The following DLGAP1 variants were observed in gnomAD, a reference collection of about 807,000 sequenced individuals.
DLGAP1 encodes disks large-associated protein 1.
Under a neutral mutation model 90.8 loss-of-function variants are expected in DLGAP1, and 11 were observed. The observed-to-expected ratio is 0.12, with a 90% CI of 0.08 to 0.20. The LOEUF is 0.20. Ranked by LOEUF, DLGAP1 falls within the 10% of genes least tolerant of loss-of-function variation. The pLI, the probability that DLGAP1 is intolerant of heterozygous loss-of-function variation, is 1.00. For synonymous variants in DLGAP1, 558 were observed against 540.7 expected, an observed-to-expected ratio of 1.03 and a Z score of -0.44; for missense variants, 1,050 against 1,333.8, an observed-to-expected ratio of 0.79 and a Z score of 3.31.
chr18:4,086,933 GT>G (rs1209190907), intron 2 of DLGAP1, among the ~76,000 whole-genome samples: 1 of 150,572 alleles, frequency 6.6e-6, no homozygotes, highest in Admixed American at 6.6e-5. Context: ...TGCTTTATGT[GT>G]TTTGAAGATG....
At chr18:4,452,478 T>TA (rs1555621103) in intron 1 of DLGAP1, among the ~76,000 whole-genome samples, 16,904 of 151,920 alleles carry the variant, frequency 0.11, 2,287 homozygotes, top group African/African-American at 0.33. Flanking sequence ...ATTTTATATT[T>TA]AAAAAAAATC....
chr18:3,874,663 C>A (rs2070948136), intron 4 of DLGAP1: 1 of 1,535,528 alleles, frequency 6.5e-7, no homozygotes, highest in Admixed American at 2.0e-5. Context: ...GAGCCAACCA[C>A]ATCTCAACTG....
chr18:3,630,097 C>G (rs28513672), intron 7 of DLGAP1, among the ~76,000 whole-genome samples: 2 of 152,070 alleles, frequency 1.3e-5, no homozygotes, highest in Admixed American at 6.6e-5. Flanking sequence ...AAATATTATT[C>G]TGTGTGTGTC....
At chr18:4,282,135 C>T (rs550299082) in intron 1 of DLGAP1, among the ~76,000 whole-genome samples, 3 of 152,168 alleles carry the variant, frequency 2.0e-5, no homozygotes, top group South Asian at 2.1e-4. Context: ...GAGGCCGAGG[C>T]GGGCGGATCA....
intron 2 of DLGAP1, among the ~76,000 whole-genome samples, chr18:4,121,464 C>T (rs114787889): frequency 1.3e-5 from 2 of 152,030 alleles, no homozygotes; most frequent in African/African-American, 4.8e-5. Flanking sequence ...GAACCCCTCA[C>T]CCCCCGTCCT....
At chr18:3,590,932 TAG>T (rs1355310187) in intron 7 of DLGAP1, among the ~76,000 whole-genome samples, 2 of 152,056 alleles carry the variant, frequency 1.3e-5, no homozygotes, top group Non-Finnish European at 2.9e-5. Flanking sequence ...AGCAATTTTA[TAG>T]AGTGTTTTAC....
intron 1 of DLGAP1, among the ~76,000 whole-genome samples, chr18:4,183,408 G>C (rs2077240617): frequency 1.3e-5 from 2 of 152,006 alleles, no homozygotes; most frequent in South Asian, 4.1e-4. Flanking sequence ...GCAGACTAAA[G>C]GGAACATTTC....
At chr18:3,906,917 C>G (rs990840795) in intron 3 of DLGAP1, among the ~76,000 whole-genome samples, 8 of 151,842 alleles carry the variant, frequency 5.3e-5, no homozygotes, top group Non-Finnish European at 8.8e-5. Context: ...AAAACATTAG[C>G]GAATGAATAT....
At chr18:3,777,837 A>G (rs1214729497) in intron 5 of DLGAP1, among the ~76,000 whole-genome samples, 1 of 152,204 alleles carries the variant, frequency 6.6e-6, no homozygotes, top group Non-Finnish European at 1.5e-5. Flanking sequence ...CCCCTCAGAT[A>G]TTAAGAGAAA....
chr18:3,948,542 G>A (rs1389355368), intron 3 of DLGAP1, among the ~76,000 whole-genome samples: 3 of 152,140 alleles, frequency 2.0e-5, no homozygotes, highest in South Asian at 2.1e-4. Flanking sequence ...AGCCAAGCAC[G>A]CATGCCTAGG....
intron 1 of DLGAP1, among the ~76,000 whole-genome samples, chr18:4,338,633 G>C (rs1315451430): frequency 6.6e-6 from 1 of 152,208 alleles, no homozygotes; most frequent in Non-Finnish European, 1.5e-5. Context: ...AAGGTAAATA[G>C]AGGAGTGTAC....
intron 3 of DLGAP1, among the ~76,000 whole-genome samples, chr18:3,949,571 C>T (rs1381557285): frequency 6.6e-6 from 1 of 152,196 alleles, no homozygotes; most frequent in Admixed American, 6.5e-5. Context: ...TCACAGGACC[C>T]TGGCTGTTAT....
chr18:4,157,181 T>C lies in DLGAP1; in HGVS notation c.-266-5894A>G, dbSNP rs995661321. ...CTCACTTAACTCTGGGTGCTTGTCT[T>C]TGCACTCAAATAGTTTCCTTAAGTT... On this transcript the variant is annotated intron_variant, in intron 1 of 12. Transcript: ENST00000315677. Among the ~76,000 whole-genome samples the C allele has an allele frequency of 1.5e-4, 23 of 152,166 alleles. 1 individual carries two copies. The highest frequency in any genetic ancestry group is 5.6e-4 in the African/African-American group (23 of 41,434).
intron 1 of DLGAP1, among the ~76,000 whole-genome samples, chr18:4,422,430 A>G (rs976079893): frequency 1.3e-5 from 2 of 150,836 alleles, no homozygotes; most frequent in African/African-American, 4.9e-5. Context: ...TAATACTGGA[A>G]TTGTATCCAA....
chr18:3,713,851 A>G (rs1327807398), intron 7 of DLGAP1, among the ~76,000 whole-genome samples: 1 of 152,188 alleles, frequency 6.6e-6, no homozygotes, highest in East Asian at 1.9e-4. Flanking sequence ...ATTTGAACAT[A>G]TGGGAAATCC....
intron 3 of DLGAP1, among the ~76,000 whole-genome samples, chr18:3,963,179 G>T (rs971561441): frequency 6.6e-6 from 1 of 152,100 alleles, no homozygotes; most frequent in African/African-American, 2.4e-5. Context: ...TAGCCTTCTT[G>T]GCCTCTCTTG....
chr18:4,268,217 G>A (rs1414280483), intron 1 of DLGAP1, among the ~76,000 whole-genome samples: 1 of 152,106 alleles, frequency 6.6e-6, no homozygotes, highest in Non-Finnish European at 1.5e-5. Context: ...AAAGAAACAA[G>A]TACAATTCCC....
intron 2 of DLGAP1, among the ~76,000 whole-genome samples, chr18:4,126,896 A>G (rs1323334995): frequency 6.6e-6 from 1 of 152,236 alleles, no homozygotes; most frequent in Non-Finnish European, 1.5e-5. Context: ...TTCTCCCTCA[A>G]GGGAAATGAG....
At chr18:3,961,562 A>G (rs1001555580) in intron 3 of DLGAP1, among the ~76,000 whole-genome samples, 3 of 152,184 alleles carry the variant, frequency 2.0e-5, no homozygotes, top group Admixed American at 6.5e-5. Context: ...AGCAGGATAC[A>G]CAAGGGCACC....
Sources: gnomAD v4.1 joint callset for allele counts (sites outside exome capture counted in the v4.1 genomes callset) on GRCh38, gnomAD v4.1.1 for gene constraint, MANE v1.5 for transcripts, NCBI Gene and HGNC (gene_info 2026-07-23, HGNC 2026-07-21) for gene names.